PCDH11X: variants seen among roughly 807,000 people sequenced by gnomAD.
The protein encoded by PCDH11X is protocadherin 11 X-linked, also known as protocadherin-11 X-linked.
In PCDH11X, 18 loss-of-function variants were observed where a neutral mutation model predicts 53.3. The ratio of observed to expected loss-of-function variants is 0.34; its 90% confidence interval spans 0.23 to 0.50. The LOEUF (loss-of-function observed/expected upper bound fraction) is 0.50, where lower values mean the gene tolerates loss of function less well. Among genes scored for constraint, PCDH11X ranks in the 20% least tolerant of loss-of-function variants. PCDH11X has a pLI of 0.98. For missense variants in PCDH11X, 570 were observed against 1,032.4 expected, an observed-to-expected ratio of 0.55 and a Z score of 6.14; for synonymous variants, 279 against 393.3, an observed-to-expected ratio of 0.71 and a Z score of 3.44.
intron 1 of PCDH11X, among the ~76,000 whole-genome samples, chrX:91,782,774 T>G (rs2147506336): frequency 8.9e-6 from 1 of 111,866 alleles, no homozygotes; most frequent in South Asian, 3.8e-4. Flanking sequence ...TAGGTTTCTT[T>G]AAGACGGAAG....
chrX:91,841,337 G>A (rs1485093889), intron 5 of PCDH11X, among the ~76,000 whole-genome samples: 2 of 111,479 alleles, frequency 1.8e-5, no homozygotes, highest in African/African-American at 3.3e-5. Context: ...GGACACTTAT[G>A]GAACGTAAGT....
Position 92,589,733 on chromosome X carries a change from C to T in PCDH11X, c.3368-28531C>T, listed in dbSNP as rs1924821268. 2.7e-5 allele frequency among the ~76,000 whole-genome samples: 3 copies of T among 111,363 alleles called. No individual in the cohort carries two copies. In the Admixed American group the frequency reaches 2.9e-4, roughly 11 times the overall value. On this transcript the variant is annotated intron_variant, in intron 10 of 10. Coordinates refer to ENST00000682573, the MANE Select transcript of PCDH11X (RefSeq NM_032968.5). ...AACAAGATCTGAGCTAATCTACCCC[C>T]CCATCTTACCTTTCCCTTAATTATT...
chrX:92,297,298 T>C (rs984245235), intron 8 of PCDH11X, among the ~76,000 whole-genome samples: 1 of 104,671 alleles, frequency 9.6e-6, no homozygotes, highest in African/African-American at 3.5e-5. Context: ...TTTAGGTCTT[T>C]ATTCCATCTG....
intron 8 of PCDH11X, among the ~76,000 whole-genome samples, chrX:92,299,121 C>A (rs1013409327): frequency 9.0e-6 from 1 of 110,653 alleles, no homozygotes; most frequent in Non-Finnish European, 1.9e-5. Flanking sequence ...TTTGTGGAGG[C>A]CTGCGGAGTT....
At chrX:91,915,483 T>C (rs1356962456) in intron 6 of PCDH11X, among the ~76,000 whole-genome samples, 1 of 110,152 alleles carries the variant, frequency 9.1e-6, no homozygotes, top group African/African-American at 3.3e-5. Context: ...CTTAAGGTAA[T>C]GGGGTGGAAA....
chrX:91,911,937 T>C (rs1341737775), intron 6 of PCDH11X, among the ~76,000 whole-genome samples: 3 of 111,730 alleles, frequency 2.7e-5, no homozygotes, highest in Non-Finnish European at 5.7e-5. Flanking sequence ...TTTCCATTTT[T>C]TTGGTATTGT....
intron 10 of PCDH11X, among the ~76,000 whole-genome samples, chrX:92,515,951 A>G (rs767059971): frequency 1.8e-5 from 2 of 112,083 alleles, no homozygotes; most frequent in East Asian, 5.6e-4. Context: ...TTCTCTTGCA[A>G]TGTTATACTG....
intron 8 of PCDH11X, among the ~76,000 whole-genome samples, chrX:92,285,573 G>A (rs1338968857): frequency 9.0e-6 from 1 of 111,552 alleles, no homozygotes; most frequent in East Asian, 2.8e-4. Context: ...TTTTATAAAA[G>A]TAGTAAGTCA....
chrX:92,235,134 G>A (rs192454985), intron 7 of PCDH11X, among the ~76,000 whole-genome samples: 5 of 108,908 alleles, frequency 4.6e-5, no homozygotes, highest in East Asian at 2.9e-4. Context: ...AATTACATAC[G>A]AATATGATAA....
intron 6 of PCDH11X, among the ~76,000 whole-genome samples, chrX:92,132,622 A>AATATATATATATGTATATATATATAT (rs1569376436): frequency 4.4e-4 from 37 of 83,731 alleles, no homozygotes; most frequent in African/African-American, 1.7e-3. Context: ...GAAAAAAAGA[A>AATATATATATATGTATATATATATAT]ATATATATAT....
chrX:92,421,420 G>A (rs1469378909), intron 9 of PCDH11X, among the ~76,000 whole-genome samples: 1 of 111,729 alleles, frequency 9.0e-6, no homozygotes, highest in Non-Finnish European at 1.9e-5. Flanking sequence ...CTTTATTTAC[G>A]TTTCTGCAAA....
intron 6 of PCDH11X, among the ~76,000 whole-genome samples, chrX:92,085,968 A>G (rs2063943467): frequency 1.8e-5 from 2 of 111,928 alleles, no homozygotes; most frequent in Non-Finnish European, 3.8e-5. Context: ...GAAAAAGACA[A>G]TGTAAAATAG....
chrX:92,248,768 C>T (rs1453851511), intron 7 of PCDH11X, among the ~76,000 whole-genome samples: 1 of 111,140 alleles, frequency 9.0e-6, no homozygotes, highest in Non-Finnish European at 1.9e-5. Flanking sequence ...TTGGCTCCGC[C>T]TCCTGGGTTC....
At chrX:92,078,458 G>A (rs1478413954) in intron 6 of PCDH11X, among the ~76,000 whole-genome samples, 1 of 111,014 alleles carries the variant, frequency 9.0e-6, no homozygotes, top group African/African-American at 3.3e-5. Context: ...CTTGAAACAC[G>A]CTTATAATAT....
At chrX:92,470,179 G>A (rs1395140598) in intron 10 of PCDH11X, among the ~76,000 whole-genome samples, 7 of 105,422 alleles carry the variant, frequency 6.6e-5, no homozygotes, top group African/African-American at 2.4e-4. Flanking sequence ...ATTCCTTAAT[G>A]TTGGCACATA....
At chrX:92,533,323 G>C (rs1183993947) in intron 10 of PCDH11X, among the ~76,000 whole-genome samples, 2 of 106,714 alleles carry the variant, frequency 1.9e-5, no homozygotes, top group Non-Finnish European at 3.9e-5. Flanking sequence ...GGACAAACTA[G>C]AAAAAAAAAA....
At chrX:91,984,044 C>T (rs1271583659) in intron 6 of PCDH11X, among the ~76,000 whole-genome samples, 5 of 101,852 alleles carry the variant, frequency 4.9e-5, no homozygotes, top group Non-Finnish European at 9.9e-5. Context: ...ACAAAATATA[C>T]ATCTGGATAT....
chrX:92,051,934 C>T (rs111644708), intron 6 of PCDH11X, among the ~76,000 whole-genome samples: 3,982 of 108,030 alleles, frequency 0.037, 183 homozygotes, highest in African/African-American at 0.13. Context: ...AATGTAAATA[C>T]CATTGTGAAC....
At chrX:92,155,830 A>C (rs2065524419) in intron 6 of PCDH11X, among the ~76,000 whole-genome samples, 1 of 106,929 alleles carries the variant, frequency 9.4e-6, no homozygotes, top group African/African-American at 3.4e-5. Context: ...GGGTTTCACC[A>C]TATTTGCCAG....
Sources: gnomAD v4.1 joint callset for allele counts (sites outside exome capture counted in the v4.1 genomes callset) on GRCh38, gnomAD v4.1.1 for gene constraint, MANE v1.5 for transcripts, NCBI Gene and HGNC (gene_info 2026-07-23, HGNC 2026-07-21) for gene names.